FSTL4: variants seen among roughly 807,000 people sequenced by gnomAD.
FSTL4 encodes the protein follistatin-related protein 4.
Under a neutral mutation model 78.2 loss-of-function variants are expected in FSTL4, and 28 were observed. The ratio of observed to expected loss-of-function variants is 0.36; its 90% confidence interval spans 0.27 to 0.49. The LOEUF (loss-of-function observed/expected upper bound fraction) is 0.49. Ranked by LOEUF, FSTL4 falls within the 20% of genes least tolerant of loss-of-function variation. The probability of loss-of-function intolerance (pLI) is 0.98; values close to 1 mark genes in which losing one functional copy is unlikely to be tolerated. For missense variants in FSTL4, 922 were observed against 1,084.9 expected (o/e 0.85, Z 2.11); for synonymous variants, 422 against 440.5 (o/e 0.96, Z 0.53).
At chr5:133,337,953 C>A (rs1338834979) in intron 4 of FSTL4, among the ~76,000 whole-genome samples, 1 of 152,172 alleles carries the variant, frequency 6.6e-6, no homozygotes, top group Non-Finnish European at 1.5e-5. Flanking sequence ...ATGGTTCTTG[C>A]CTACAGATCA....
intron 2 of FSTL4, among the ~76,000 whole-genome samples, chr5:133,575,469 C>A (rs910326508): frequency 6.6e-6 from 1 of 152,132 alleles, no homozygotes; most frequent in Non-Finnish European, 1.5e-5. Flanking sequence ...CCATGCTTAG[C>A]ATGGTGTCCA....
the FSTL4 span, among the ~76,000 whole-genome samples, chr5:133,636,258 G>T: frequency 6.6e-6 from 1 of 152,190 alleles, no homozygotes; most frequent in South Asian, 2.1e-4. Flanking sequence ...AGGGAGAGAG[G>T]CTGGGCTCAT....
At chr5:133,564,951 A>T (rs952503575) in intron 3 of FSTL4, among the ~76,000 whole-genome samples, 1 of 152,204 alleles carries the variant, frequency 6.6e-6, no homozygotes, top group African/African-American at 2.4e-5. Flanking sequence ...ACATAATGTG[A>T]AGTTGCAGTT....
At chr5:133,416,983 T>C (rs1045000560) in intron 3 of FSTL4, among the ~76,000 whole-genome samples, 1 of 152,310 alleles carries the variant, frequency 6.6e-6, no homozygotes, top group Admixed American at 6.5e-5. Flanking sequence ...AGTTTTCCAA[T>C]AATATTGAAC....
the FSTL4 span, among the ~76,000 whole-genome samples, chr5:133,752,958 A>G: frequency 6.6e-6 from 1 of 152,230 alleles, no homozygotes; most frequent in African/African-American, 2.4e-5. Context: ...AAGAAAAGAA[A>G]AAACAAGACC....
chr5:133,683,884 G>T, the FSTL4 span, among the ~76,000 whole-genome samples: 15 of 152,344 alleles, frequency 9.8e-5, no homozygotes, highest in African/African-American at 3.1e-4. Flanking sequence ...GGGCGAAGGT[G>T]GGTGCGGGCA....
At chr5:133,488,218 A>T (rs974158952) in intron 3 of FSTL4, among the ~76,000 whole-genome samples, 7 of 152,210 alleles carry the variant, frequency 4.6e-5, no homozygotes, top group African/African-American at 1.7e-4. Flanking sequence ...GGATTATTTT[A>T]AAAAAGAAAA....
At chr5:133,799,328 CTG>C in the FSTL4 span, among the ~76,000 whole-genome samples, 1 of 138,656 alleles carries the variant, frequency 7.2e-6, no homozygotes, top group East Asian at 2.0e-4. Context: ...AAATGGCCCA[CTG>C]TGACCAGCAC....
chr5:133,443,910 G>GT (rs1216764404), intron 3 of FSTL4, among the ~76,000 whole-genome samples: 3 of 152,152 alleles, frequency 2.0e-5, no homozygotes, highest in Non-Finnish European at 4.4e-5. Flanking sequence ...GCTTAAGACC[G>GT]TGGTGTGCTT....
At chr5:133,315,895 T>C (rs548905443) in intron 5 of FSTL4, among the ~76,000 whole-genome samples, 1 of 152,320 alleles carries the variant, frequency 6.6e-6, no homozygotes, top group Non-Finnish European at 1.5e-5. Context: ...ACCTTGTAGC[T>C]CGACAAAGGA....
chr5:133,707,272 C>T, the FSTL4 span, among the ~76,000 whole-genome samples: 2 of 152,178 alleles, frequency 1.3e-5, no homozygotes, highest in Non-Finnish European at 1.5e-5. Flanking sequence ...CCAAGCTCCA[C>T]GGCCTCTGGA....
chr5:133,677,129 A>G, the FSTL4 span, among the ~76,000 whole-genome samples: 3 of 152,388 alleles, frequency 2.0e-5, no homozygotes, highest in East Asian at 1.9e-4. Context: ...CAAAATTGAC[A>G]AATTGTGCCT....
intron 7 of FSTL4, among the ~76,000 whole-genome samples, chr5:133,238,527 A>G (rs1399080300): frequency 6.6e-6 from 1 of 152,236 alleles, no homozygotes; most frequent in Non-Finnish European, 1.5e-5. Context: ...CCACATGCAC[A>G]TGTGGGTGAG....
intron 11 of FSTL4, among the ~76,000 whole-genome samples, chr5:133,222,085 A>G (rs1359523693): frequency 6.6e-6 from 1 of 151,844 alleles, no homozygotes; most frequent in Non-Finnish European, 1.5e-5. Flanking sequence ...AGAGGCACTA[A>G]TGTGAGTGGT....
At chr5:133,487,670 C>G (rs541071781) in intron 3 of FSTL4, among the ~76,000 whole-genome samples, 1 of 152,246 alleles carries the variant, frequency 6.6e-6, no homozygotes, top group Non-Finnish European at 1.5e-5. Flanking sequence ...TGGAAAGCTT[C>G]TCCCTATGCA....
At chr5:133,650,148 A>G in the FSTL4 span, among the ~76,000 whole-genome samples, 1 of 152,154 alleles carries the variant, frequency 6.6e-6, no homozygotes, top group African/African-American at 2.4e-5. Flanking sequence ...AGGAACTTAC[A>G]GAGTGAGAAC....
the FSTL4 span, among the ~76,000 whole-genome samples, chr5:133,770,193 C>T: frequency 2.0e-5 from 3 of 152,086 alleles, no homozygotes; most frequent in Admixed American, 1.3e-4. Flanking sequence ...TTACAATAAA[C>T]ATATGAGTGC....
intron 3 of FSTL4, among the ~76,000 whole-genome samples, chr5:133,441,654 G>A (rs1017511731): frequency 6.6e-6 from 1 of 152,206 alleles, no homozygotes; most frequent in Non-Finnish European, 1.5e-5. Flanking sequence ...ACTTCCATGA[G>A]GCCCTAGAGA....
intron 6 of FSTL4, among the ~76,000 whole-genome samples, chr5:133,287,051 C>T (rs909477696): frequency 5.9e-5 from 9 of 152,200 alleles, no homozygotes; most frequent in African/African-American, 2.2e-4. Context: ...AGTCCAAATA[C>T]CAGTGCTTTT....
Sources: allele counts gnomAD v4.1 joint callset (sites outside exome capture counted in the v4.1 genomes callset), GRCh38; gene constraint gnomAD v4.1.1; transcripts MANE v1.5; gene names NCBI Gene and HGNC (gene_info 2026-07-23, HGNC 2026-07-21).